PGCKA1: variants seen among roughly 807,000 people sequenced by gnomAD.
PGCKA1 encodes the protein PDCD10 and GCKIII kinases associated 1, also known as PDCD10 and GCKIII kinases-associated protein 1.
the PGCKA1 span, among the ~76,000 whole-genome samples, chr4:37,464,750 T>C: frequency 1.3e-5 from 2 of 152,240 alleles, no homozygotes. Context: ...ATTATGAAAT[T>C]GTCTACTTAA....
chr4:37,590,719 C>G, the PGCKA1 span: 5 of 1,613,980 alleles, frequency 3.1e-6, no homozygotes, highest in African/African-American at 6.7e-5. Context: ...GGGAATTCAG[C>G]CCCCAGTGGG....
the PGCKA1 span, among the ~76,000 whole-genome samples, chr4:37,524,163 A>C: frequency 0.31 from 46,823 of 152,142 alleles, 8,530 homozygotes; most frequent in African/African-American, 0.49. Flanking sequence ...CGTTTAAGAA[A>C]AGGAACTGCA....
chr4:37,591,071 C>A, the PGCKA1 span: 1 of 1,303,346 alleles, frequency 7.7e-7, no homozygotes, highest in Non-Finnish European at 1.1e-6. Context: ...TCCCTGGATG[C>A]ATAGCAGGTG....
chr4:37,541,884 GGA>G, the PGCKA1 span, among the ~76,000 whole-genome samples: 1 of 152,152 alleles, frequency 6.6e-6, no homozygotes, highest in African/African-American at 2.4e-5. Context: ...TACATACAGA[GGA>G]GAGAGTCCAG....
At chr4:37,566,167 C>T in the PGCKA1 span, among the ~76,000 whole-genome samples, 2 of 152,230 alleles carry the variant, frequency 1.3e-5, no homozygotes, top group African/African-American at 4.8e-5. Context: ...CTGACTAATA[C>T]AGTAACCATC....
At chr4:37,591,092 C>A in the PGCKA1 span, 2 of 1,071,262 alleles carry the variant, frequency 1.9e-6, no homozygotes, top group Non-Finnish European at 2.7e-6. Flanking sequence ...ATTCTGCCAG[C>A]ATGCACCAGT....
chr4:37,510,766 T>A, the PGCKA1 span, among the ~76,000 whole-genome samples: 3 of 152,020 alleles, frequency 2.0e-5, no homozygotes, highest in African/African-American at 7.2e-5. Flanking sequence ...ATGAAACCAG[T>A]TGGGCTCATG....
chr4:37,465,549 C>T, the PGCKA1 span, among the ~76,000 whole-genome samples: 2 of 152,192 alleles, frequency 1.3e-5, no homozygotes, highest in East Asian at 3.9e-4. Context: ...ATGTCTTGAG[C>T]ACGAGGAGTA....
the PGCKA1 span, among the ~76,000 whole-genome samples, chr4:37,562,957 A>T: frequency 1.2e-4 from 19 of 152,296 alleles, no homozygotes; most frequent in African/African-American, 4.1e-4. Flanking sequence ...GGGGTGTTTA[A>T]GGCCTCTAAA....
the PGCKA1 span, among the ~76,000 whole-genome samples, chr4:37,453,715 A>G: frequency 3.3e-5 from 5 of 152,126 alleles, no homozygotes; most frequent in Non-Finnish European, 7.4e-5. Flanking sequence ...GAGGCCAACA[A>G]GCGCGTGGAT....
chr4:37,504,188 T>C, the PGCKA1 span, among the ~76,000 whole-genome samples: 1 of 152,156 alleles, frequency 6.6e-6, no homozygotes, highest in Non-Finnish European at 1.5e-5. Context: ...CCAAGTACCA[T>C]TCATTGCCAA....
At chr4:37,536,697 T>C in the PGCKA1 span, among the ~76,000 whole-genome samples, 1 of 152,240 alleles carries the variant, frequency 6.6e-6, no homozygotes, top group Non-Finnish European at 1.5e-5. Flanking sequence ...TTGCCAGTTA[T>C]GGTATCTATT....
At chr4:37,561,995 A>G in the PGCKA1 span, among the ~76,000 whole-genome samples, 2 of 152,246 alleles carry the variant, frequency 1.3e-5, no homozygotes, top group African/African-American at 2.4e-5. Flanking sequence ...ACAACACGTC[A>G]GCACTATGCC....
At chr4:37,465,172 A>C in the PGCKA1 span, among the ~76,000 whole-genome samples, 1 of 152,032 alleles carries the variant, frequency 6.6e-6, no homozygotes, top group Non-Finnish European at 1.5e-5. Context: ...AAAAAATATT[A>C]CTGTAAAATG....
At chr4:37,563,281 G>A in the PGCKA1 span, among the ~76,000 whole-genome samples, 1 of 152,154 alleles carries the variant, frequency 6.6e-6, no homozygotes, top group African/African-American at 2.4e-5. Flanking sequence ...CCTGGAGGCC[G>A]GGAGGTCCAA....
At chr4:37,514,355 A>T in the PGCKA1 span, among the ~76,000 whole-genome samples, 2 of 152,204 alleles carry the variant, frequency 1.3e-5, no homozygotes, top group African/African-American at 4.8e-5. Context: ...GAGGACAAAT[A>T]TTCAAACCAT....
At chr4:37,496,156 C>T in the PGCKA1 span, among the ~76,000 whole-genome samples, 528 of 152,260 alleles carry the variant, frequency 3.5e-3, 5 homozygotes, top group African/African-American at 0.012. Flanking sequence ...GCTTTTGTTG[C>T]GATTACTTTT....
At chr4:37,476,898 A>T in the PGCKA1 span, among the ~76,000 whole-genome samples, 287 of 152,304 alleles carry the variant, frequency 1.9e-3, no homozygotes, top group African/African-American at 6.1e-3. Flanking sequence ...ATGGACAATA[A>T]CAAGTGTTGG....
At chr4:37,590,278 G>GA in the PGCKA1 span, 18 of 1,614,008 alleles carry the variant, frequency 1.1e-5, no homozygotes, top group Non-Finnish European at 1.5e-5. Context: ...TGATCCATGG[G>GA]AGCCCTGCTG....
Sources: gnomAD v4.1 joint callset for allele counts (sites outside exome capture counted in the v4.1 genomes callset) on GRCh38, gnomAD v4.1.1 for gene constraint, MANE v1.5 for transcripts, NCBI Gene and HGNC (gene_info 2026-07-23, HGNC 2026-07-21) for gene names.